Variants in DNAJB9 observed in about 807,000 individuals in gnomAD.
DNAJB9 encodes the protein dnaJ homolog subfamily B member 9.
Under a neutral mutation model 19.2 loss-of-function variants are expected in DNAJB9, and 12 were observed. That is an observed-to-expected ratio of 0.62 (90% CI 0.40 to 1.01). DNAJB9 has a LOEUF of 1.01. Among genes scored for constraint, DNAJB9 ranks in the 50% least tolerant of loss-of-function variants. The pLI is 0.00. For missense variants in DNAJB9, 272 were observed against 261.1 expected, an observed-to-expected ratio of 1.04 and a Z score of -0.29; for synonymous variants, 83 against 84.0, an observed-to-expected ratio of 0.99 and a Z score of 0.07.
At chr7:108,572,209 T>A (rs2069652623) in intron 2 of DNAJB9, 2 of 288,396 alleles carry the variant, frequency 6.9e-6, no homozygotes, top group Non-Finnish European at 1.3e-5. Context: ...AAGATCACTG[T>A]TGCTTCTATG....
chr7:108,571,868 A>C lies in DNAJB9; in HGVS notation c.142A>C (p.Lys48Gln). The C allele has an allele frequency of 6.2e-7, 1 of 1,614,176 alleles. No homozygotes were observed. The highest frequency in any genetic ancestry group is 8.5e-7 in the Non-Finnish European group (1 of 1,180,022). ...SERQIKKAFHKLAMKYHPDKN... is the reference protein window; with the variant it reads ...SERQIKKAFHQLAMKYHPDKN... ...GCGCCAAATCAAGAAGGCCTTTCAC[A>C]AGTTGGCCATGAAGTACCACCCTGA... is the stretch of plus-strand genomic sequence containing the variant. Residue 48 changes from lysine to glutamine, a missense_variant, in exon 2 of 3, where the codon AAG becomes CAG. By Grantham distance (53) the Lys-to-Gln change is moderately conservative (BLOSUM62 1). Transcript: ENST00000249356.
chr7:108,572,011 G>A lies in DNAJB9; in HGVS notation c.217+68G>A, dbSNP rs1256782164. 6 of 1,502,478 alleles carry A rather than the reference G, an allele frequency of 4.0e-6. No homozygotes were observed. The African/African-American group carries it at 6.9e-5, about 17-fold the overall frequency. The allele number at this position is 1,502,478 out of a possible 1,614,324, so 93.1% of individuals were successfully genotyped here. A position where few individuals can be genotyped will look rare whatever the true frequency, so the allele number is the denominator to read the frequency against. On this transcript the variant is annotated intron_variant, in intron 2 of 2. Transcript: ENST00000249356. ...GTAAGGAGAATGATAGCTAAGAAGTGTTTGTATTTGAAGGTTTTGTGGAGA... is the reference window on the plus strand; with the variant it reads ...GTAAGGAGAATGATAGCTAAGAAGTATTTGTATTTGAAGGTTTTGTGGAGA...
Position 108,573,232 on chromosome 7 carries a change from C to G in DNAJB9, c.551C>G (p.Ser184Cys). 2 of 1,614,010 alleles carry G rather than the reference C, an allele frequency of 1.2e-6. No individual in the cohort carries two copies. Among genetic ancestry groups the G allele is most frequent in the Non-Finnish European group, 1.7e-6 (2 of 1,179,906 alleles). Residue 184 changes from serine to cysteine, a missense_variant, in exon 3 of 3, where the codon TCT (serine) becomes TGT (cysteine). Physicochemically the swap from Ser to Cys is moderately radical, Grantham distance 112. Coordinates refer to ENST00000249356, the MANE Select transcript of DNAJB9 (RefSeq NM_012328.3). Reference sequence around the variant, plus strand: ...ATGTTTTCTTTTAGTGGTTTTGACTCTACCAATCAGCATACAGTACAGACT... The same window carrying G: ...ATGTTTTCTTTTAGTGGTTTTGACTGTACCAATCAGCATACAGTACAGACT... ...EKMFSFSGFD[S>C]TNQHTVQTEN...
intron 1 of DNAJB9, among the ~76,000 whole-genome samples, chr7:108,570,519 A>G (rs1361505674): frequency 1.3e-5 from 2 of 152,092 alleles, no homozygotes; most frequent in African/African-American, 4.8e-5. Flanking sequence ...AAAAATCATT[A>G]GATGTCCACC....
chr7:108,571,807 CTA>C lies in DNAJB9; in HGVS notation c.83_84del (p.Tyr28Ter), dbSNP rs1290974276. On this transcript the variant is annotated frameshift_variant, in exon 2 of 3. Coordinates refer to ENST00000249356, the MANE Select transcript of DNAJB9 (RefSeq NM_012328.3). LOFTEE classifies it high-confidence loss of function. ...AATTAATTCTGGCCTCAAAAAGCTACTATGATATCTTAGGTGTGCCAAAATCG... is the reference window on the plus strand; with the variant it reads ...AATTAATTCTGGCCTCAAAAAGCTACTGATATCTTAGGTGTGCCAAAATCG... ...TELILASKSYYDILGVPKSAS... is the reference protein window; with the variant it reads ...TELILASKSYXDILGVPKSAS... 8 of 1,613,996 alleles carry C rather than the reference CTA, an allele frequency of 5.0e-6. No homozygotes were observed. Among genetic ancestry groups the C allele is most frequent in the Non-Finnish European group, 6.8e-6 (8 of 1,180,028 alleles).
In DNAJB9 at chr7:108,569,953, G is replaced by T. The variant is rs572477089; in HGVS notation, c.-161G>T. 3.0e-5 allele frequency: 10 copies of T among 335,170 alleles called. No individual in the cohort carries two copies. The highest frequency in any genetic ancestry group is 5.2e-5 in the Non-Finnish European group (9 of 174,364). The allele number at this position is 335,170 out of a possible 1,614,324, so 20.8% of individuals were successfully genotyped here. A position where few individuals can be genotyped will look rare whatever the true frequency, so the allele number is the denominator to read the frequency against. ...ACTGGGCGCCGGCGGGGAAGGAGGA[G>T]CGCTAGGTCGGTGTACGACCGAGAT... On this transcript the variant is annotated 5_prime_UTR_variant, in exon 1 of 3. Transcript: ENST00000249356.
chr7:108,572,882 A>G lies in DNAJB9; in HGVS notation c.218-17A>G, dbSNP rs533901569. ...TATTTTACCTTCAGTTACTAAAAAT[A>G]TTTTTGTCACTTTCAGCATATGAAA... On this transcript the variant is annotated splice_polypyrimidine_tract_variant and intron_variant, in intron 2 of 2. Coordinates refer to ENST00000249356, the MANE Select transcript of DNAJB9 (RefSeq NM_012328.3). The G allele has an allele frequency of 1.6e-5, 25 of 1,569,180 alleles. No individual in the cohort carries two copies. In the South Asian group the frequency reaches 2.7e-4, roughly 17 times the overall value.
intron 2 of DNAJB9, among the ~76,000 whole-genome samples, chr7:108,572,251 T>C (rs1177363500): frequency 6.6e-6 from 1 of 152,220 alleles, no homozygotes; most frequent in Non-Finnish European, 1.5e-5. Context: ...CCAAAATTCT[T>C]ATCAACTAAC....
rs1012362688 is a variant in DNAJB9, at chr7:108,573,984, A to G, written c.*631A>G. 6.6e-6 allele frequency: 1 copy of G among 152,484 alleles called. No individual in the cohort carries two copies. The highest frequency in any genetic ancestry group is 1.5e-5 in the Non-Finnish European group (1 of 68,004). 9.4% of individuals were successfully genotyped at this position (152,484 alleles called of 1,614,324 possible). A position where few individuals can be genotyped will look rare whatever the true frequency, so the allele number is the denominator to read the frequency against. On this transcript the variant is annotated 3_prime_UTR_variant, in exon 3 of 3. Coordinates refer to ENST00000249356, the MANE Select transcript of DNAJB9 (RefSeq NM_012328.3). ...AAAAAAGTTGAAAACTTAACGAAAT[A>G]TTGCCAAGAGATTGTTATGTGTTTG...
At position 108,571,760 on chromosome 7, in the gene DNAJB9, A is replaced by C. The variant is rs749348411; in HGVS notation, c.34A>C (p.Ile12Leu). ...ATPQSIFIFA[I>L]CILMITELIL... ...TCCCCAGTCAATTTTCATCTTTGCA[A>C]TCTGCATTTTAATGATAACAGAATT... is the stretch of plus-strand genomic sequence containing the variant. Residue 12 changes from isoleucine (I) to leucine (L), a missense_variant, in exon 2 of 3, where the codon ATC becomes CTC. By Grantham distance (5) the Ile-to-Leu change is conservative. Transcript: ENST00000249356. The C allele has an allele frequency of 1.9e-5, 31 of 1,614,056 alleles. No homozygotes were observed. In the South Asian group the frequency reaches 3.3e-4, roughly 17 times the overall value.
chr7:108,570,425 C>T (rs1471548876), intron 1 of DNAJB9, among the ~76,000 whole-genome samples: 1 of 151,988 alleles, frequency 6.6e-6, no homozygotes, highest in Non-Finnish European at 1.5e-5. Context: ...CCCACCGAGG[C>T]TGGGGAATAA....
chr7:108,574,180 A>G lies in DNAJB9; in HGVS notation c.*827A>G, dbSNP rs1245030455. 1.3e-5 allele frequency: 2 copies of G among 152,584 alleles called. No individual in the cohort carries two copies. Among genetic ancestry groups the G allele is most frequent in the African/African-American group, 2.4e-5 (1 of 41,434 alleles). 9.5% of individuals were successfully genotyped at this position (152,584 alleles called of 1,614,324 possible). On this transcript the variant is annotated 3_prime_UTR_variant, in exon 3 of 3. Transcript: ENST00000249356. ...TTATCTAGAGATTGACTGATACCTCATTCTGTTTGTAAAACCAGCCAGTAA... is the reference window on the plus strand; with the variant it reads ...TTATCTAGAGATTGACTGATACCTCGTTCTGTTTGTAAAACCAGCCAGTAA...
At position 108,573,237 on chromosome 7, in the gene DNAJB9, A is replaced by C; in HGVS notation, c.556A>C (p.Asn186His). ...MFSFSGFDST[N>H]QHTVQTENRF... ...TTCTTTTAGTGGTTTTGACTCTACC[A>C]ATCAGCATACAGTACAGACTGAAAA... The change falls in exon 3 of 3, where the codon AAT becomes CAT. Residue 186 changes from asparagine to histidine, a missense_variant. Physicochemically the swap from Asn to His is moderately conservative, Grantham distance 68. Coordinates refer to ENST00000249356, the MANE Select transcript of DNAJB9 (RefSeq NM_012328.3). 1 of 1,614,048 alleles carries C rather than the reference A, an allele frequency of 6.2e-7. No individual in the cohort carries two copies. The highest frequency in any genetic ancestry group is 1.1e-5 in the South Asian group (1 of 91,084).
chr7:108,572,862 T>A, intron 2 of DNAJB9, 37 bp from the exon 3 acceptor site: 1 of 1,505,150 alleles, frequency 6.6e-7, no homozygotes, highest in South Asian at 1.2e-5. Context: ...TTGAATATTT[T>A]ACCTTCAGTT....
rs141873109 is a variant in DNAJB9 at position 108,570,495 on chromosome 7, C to T, written c.-11+392C>T. 3.6e-3 allele frequency among the ~76,000 whole-genome samples: 531 copies of T among 148,788 alleles called. 2 individuals carry two copies. Among genetic ancestry groups the T allele is most frequent in the Admixed American group, 0.011 (162 of 15,242 alleles). ...GATGAGAAGTCTGTACAATACAAAA[C>T]TAGTCTGCTAAAAAAAAATCATTAG... On this transcript the variant is annotated intron_variant, in intron 1 of 2. Transcript: ENST00000249356.
chr7:108,572,502 G>T (rs757047220), intron 2 of DNAJB9, among the ~76,000 whole-genome samples: 2 of 152,158 alleles, frequency 1.3e-5, no homozygotes, highest in Non-Finnish European at 2.9e-5. Context: ...ACTTTAGTAA[G>T]GAGGTGCAAA....
chr7:108,572,087 T>G (rs1790629257), intron 2 of DNAJB9, 144 bp downstream of exon 2: 1 of 679,360 alleles, frequency 1.5e-6, no homozygotes, highest in African/African-American at 1.8e-5. Flanking sequence ...TCTCTGAGAT[T>G]ATTTTCTTAT....
intron 2 of DNAJB9, 109 bp from the exon 3 acceptor site, chr7:108,572,790 A>G: frequency 1.1e-6 from 1 of 872,584 alleles, no homozygotes; most frequent in Non-Finnish European, 1.7e-6. Context: ...CTGATGCGAA[A>G]TTCTTCCCTA....
In DNAJB9 at chr7:108,573,044, C is replaced by T; in HGVS notation, c.363C>T (p.Asp121=). ...FNFNFDDLFK[D]FGFFGQNQNT... is the part of the protein sequence containing the mutation. ...TCAATTTTGATGACTTATTTAAAGA[C>T]TTTGGCTTTTTTGGTCAAAACCAAA... Residue 121 remains aspartate (D), a synonymous_variant, in exon 3 of 3, where the codon GAC becomes GAT. Transcript: ENST00000249356. The T allele has an allele frequency of 6.2e-7, 1 of 1,614,000 alleles. No homozygotes were observed. The highest frequency in any genetic ancestry group is 8.5e-7 in the Non-Finnish European group (1 of 1,179,942).
Sources: gnomAD v4.1 joint callset for allele counts (sites outside exome capture counted in the v4.1 genomes callset) on GRCh38, gnomAD v4.1.1 for gene constraint, MANE v1.5 for transcripts, NCBI Gene and HGNC (gene_info 2026-07-23, HGNC 2026-07-21) for gene names.